The following EPC2 variants were observed in gnomAD, a reference collection of about 807,000 sequenced individuals.
EPC2 encodes enhancer of polycomb homolog 2.
In EPC2, 14 loss-of-function variants were observed where a neutral mutation model predicts 92.1. The ratio of observed to expected loss-of-function variants is 0.15; its 90% CI spans 0.10 to 0.24. EPC2 has a LOEUF of 0.24. EPC2 is among the 10% of genes least tolerant of loss of function. The probability of loss-of-function intolerance (pLI) is 1.00; values close to 1 mark genes in which losing one functional copy is unlikely to be tolerated. For synonymous variants in EPC2, 340 were observed against 334.7 expected, an observed-to-expected ratio of 1.02 and a Z score of -0.17; for missense variants, 755 against 971.5, an observed-to-expected ratio of 0.78 and a Z score of 2.96.
intron 1 of EPC2, among the ~76,000 whole-genome samples, chr2:148,657,288 A>G (rs541113710): frequency 1.3e-5 from 2 of 152,276 alleles, no homozygotes; most frequent in Admixed American, 1.3e-4. Context: ...AGTACTTGGA[A>G]GAAGATTGTT....
At chr2:148,730,353 G>C (rs1682591652) in intron 2 of EPC2, among the ~76,000 whole-genome samples, 1 of 152,164 alleles carries the variant, frequency 6.6e-6, no homozygotes, top group South Asian at 2.1e-4. Flanking sequence ...CTGTCTTTAA[G>C]GTTATTGAAG....
intron 1 of EPC2, among the ~76,000 whole-genome samples, chr2:148,683,128 T>A (rs1193371702): frequency 6.6e-6 from 1 of 152,114 alleles, no homozygotes; most frequent in East Asian, 1.9e-4. Context: ...TGGTGTTTGC[T>A]TGCTTGGAAA....
intron 3 of EPC2, among the ~76,000 whole-genome samples, chr2:148,745,710 G>A (rs1416472300): frequency 1.3e-5 from 2 of 152,026 alleles, no homozygotes; most frequent in Non-Finnish European, 1.5e-5. Context: ...ATAACAAAGG[G>A]CTATCTTCAT....
chr2:148,725,425 T>C lies in EPC2; in HGVS notation c.314-18197T>C, dbSNP rs548092385. ...TCATTATTTTCATTCAGAACCCTTT[T>C]AGAGTAAGTTGTAAATGTTATGCTT... On this transcript the variant is annotated intron_variant, in intron 2 of 13. Coordinates refer to ENST00000258484, the MANE Select transcript of EPC2 (RefSeq NM_015630.4). Among the ~76,000 whole-genome samples, 3 of 152,214 alleles carry C rather than the reference T, an allele frequency of 2.0e-5. No individual in the cohort carries two copies. In the East Asian group the frequency reaches 5.8e-4, roughly 29 times the overall value.
At chr2:148,761,682 T>C in intron 4 of EPC2, 100 bp from the exon 5 acceptor site, 1 of 798,170 alleles carries the variant, frequency 1.3e-6, no homozygotes. Context: ...AACATTTTAC[T>C]TTTATAGGAT....
chr2:148,677,161 T>C (rs1424954359), intron 1 of EPC2, among the ~76,000 whole-genome samples: 2 of 152,344 alleles, frequency 1.3e-5, no homozygotes, highest in Non-Finnish European at 2.9e-5. Context: ...AAACGTTTAC[T>C]GTATTTTCTT....
rs77634076 is a variant in EPC2, at chr2:148,760,371, C to T, written c.667-1411C>T. Among the ~76,000 whole-genome samples the T allele has an allele frequency of 1.8e-4, 27 of 152,200 alleles. No homozygotes were observed. In the East Asian group the frequency reaches 5.2e-3, roughly 29 times the overall value. On this transcript the variant is annotated intron_variant, in intron 4 of 13. Coordinates refer to ENST00000258484, the MANE Select transcript of EPC2 (RefSeq NM_015630.4). ...GAGCCATCTAAAAGGTTCTGGTGCACTTTTGAATATTATTCAGCTGCCAGC... is the reference window on the plus strand; with the variant it reads ...GAGCCATCTAAAAGGTTCTGGTGCATTTTTGAATATTATTCAGCTGCCAGC...
intron 1 of EPC2, among the ~76,000 whole-genome samples, chr2:148,657,067 G>C (rs1005473814): frequency 3.9e-5 from 6 of 151,972 alleles, no homozygotes; most frequent in Non-Finnish European, 7.4e-5. Flanking sequence ...GTTATTAAGA[G>C]AGTTGAAACA....
At chr2:148,687,179 C>T (rs1484187104) in intron 1 of EPC2, among the ~76,000 whole-genome samples, 1 of 152,146 alleles carries the variant, frequency 6.6e-6, no homozygotes, top group East Asian at 1.9e-4. Context: ...GGATTTTTGC[C>T]TTCAACCTCA....
intron 1 of EPC2, among the ~76,000 whole-genome samples, chr2:148,662,298 C>G (rs1680953872): frequency 6.6e-6 from 1 of 152,072 alleles, no homozygotes; most frequent in Non-Finnish European, 1.5e-5. Context: ...ACCATTTGAC[C>G]CAGCCATCCC....
In EPC2 at chr2:148,783,649, A is replaced by T; in HGVS notation, c.1910A>T (p.His637Leu). 1 of 1,606,328 alleles carries T rather than the reference A, an allele frequency of 6.2e-7. No individual in the cohort carries two copies. The highest frequency in any genetic ancestry group is 8.5e-7 in the Non-Finnish European group (1 of 1,176,098). ...AAAACACTTGACTCAGCCAGCGCCC[A>T]CTTTGCTGCATCTGCAGTGGTCAGT... is the stretch of plus-strand genomic sequence containing the variant. ...MSKTLDSASA[H>L]FAASAVVSAP... Residue 637 changes from histidine to leucine, a missense_variant, in exon 12 of 14, where the codon CAC becomes CTC. His to Leu is a moderately conservative substitution (Grantham distance 99, BLOSUM62 -3). Transcript: ENST00000258484.
intron 2 of EPC2, among the ~76,000 whole-genome samples, chr2:148,731,871 A>G (rs1418661043): frequency 6.6e-6 from 1 of 152,234 alleles, no homozygotes; most frequent in Non-Finnish European, 1.5e-5. Context: ...GCTCCCCTTG[A>G]CAGTCCAAAG....
intron 3 of EPC2, among the ~76,000 whole-genome samples, chr2:148,751,677 T>C (rs1683085032): frequency 6.6e-6 from 1 of 152,064 alleles, no homozygotes; most frequent in African/African-American, 2.4e-5. Context: ...TGTATAAAAA[T>C]AGTAAAGTTC....
intron 1 of EPC2, among the ~76,000 whole-genome samples, chr2:148,647,793 C>T (rs1020251711): frequency 1.3e-5 from 2 of 151,970 alleles, no homozygotes; most frequent in South Asian, 2.1e-4. Context: ...CCACTATGCC[C>T]AGCTAATTTT....
intron 1 of EPC2, among the ~76,000 whole-genome samples, chr2:148,677,202 A>C (rs992894733): frequency 2.0e-5 from 3 of 152,186 alleles, no homozygotes; most frequent in South Asian, 2.1e-4. Flanking sequence ...ACTGTCTCAT[A>C]ATCTGGTGAA....
At chr2:148,719,853 A>T (rs1022488196) in intron 2 of EPC2, among the ~76,000 whole-genome samples, 2 of 152,286 alleles carry the variant, frequency 1.3e-5, no homozygotes, top group Non-Finnish European at 2.9e-5. Flanking sequence ...CAAACAGCCA[A>T]GGTGGCAACC....
rs755020687 is a variant in EPC2, at chr2:148,765,039, G to T, written c.1033G>T (p.Ala345Ser). The change falls in exon 7 of 14, where the codon GCT becomes TCT. Residue 345 changes from alanine to serine, a missense_variant. Around this residue, in one of 4 missense-constraint regions of EPC2, gnomAD observed 509 missense variants for 607.7 expected, o/e 0.84. Coordinates refer to ENST00000258484, the MANE Select transcript of EPC2 (RefSeq NM_015630.4). ...KKYPKKPKAE[A>S]LITSQQPTPE... Reference sequence around the variant, plus strand: ...GTACCCAAAGAAGCCTAAAGCAGAGGCTTTGATAACATCTCAGCAACCCAC... The same window carrying T: ...GTACCCAAAGAAGCCTAAAGCAGAGTCTTTGATAACATCTCAGCAACCCAC... 3 of 1,609,274 alleles carry T rather than the reference G, an allele frequency of 1.9e-6. No homozygotes were observed. Among genetic ancestry groups the T allele is most frequent in the Non-Finnish European group, 2.5e-6 (3 of 1,177,210 alleles).
intron 1 of EPC2, among the ~76,000 whole-genome samples, chr2:148,663,194 GTATTATTAT>G (rs56337513): frequency 0.01 from 1,389 of 136,336 alleles, 27 homozygotes; most frequent in African/African-American, 0.028. Context: ...CTGTGTTTTT[GTATTATTAT>G]TATTATTATT....
At chr2:148,768,319 C>A (rs926132025) in intron 7 of EPC2, among the ~76,000 whole-genome samples, 3 of 151,882 alleles carry the variant, frequency 2.0e-5, no homozygotes, top group Non-Finnish European at 4.4e-5. Flanking sequence ...ATATTATTTC[C>A]CTATCTTCAG....
Sources: allele counts gnomAD v4.1 joint callset (sites outside exome capture counted in the v4.1 genomes callset), GRCh38; gene constraint gnomAD v4.1.1; regional missense constraint gnomAD v4.1.1; transcripts MANE v1.5; gene names NCBI Gene and HGNC (gene_info 2026-07-23, HGNC 2026-07-21).